Variants in CEP63 observed in about 807,000 individuals in gnomAD.
CEP63 encodes the protein centrosomal protein 63, also known as centrosomal protein of 63 kDa.
Under a neutral mutation model 89.1 loss-of-function variants are expected in CEP63, and 84 were observed. The ratio of observed to expected loss-of-function variants is 0.94; its 90% CI spans 0.79 to 1.13. CEP63 has a LOEUF of 1.13. Ranked by LOEUF, CEP63 falls within the 50% of genes most tolerant of loss-of-function variation. The pLI, the probability that CEP63 is intolerant of heterozygous loss-of-function variation, is 0.00. For synonymous variants in CEP63, 267 were observed against 272.5 expected, an observed-to-expected ratio of 0.98 and a Z score of 0.20; for missense variants, 838 against 813.3, an observed-to-expected ratio of 1.03 and a Z score of -0.37.
the CEP63 span, among the ~76,000 whole-genome samples, chr3:134,780,217 C>T: frequency 6.6e-6 from 1 of 152,174 alleles, no homozygotes. Flanking sequence ...TCTGAAATGT[C>T]TGTTTGAATC....
chr3:134,640,732 T>A, the CEP63 span, among the ~76,000 whole-genome samples: 1 of 152,192 alleles, frequency 6.6e-6, no homozygotes, highest in Non-Finnish European at 1.5e-5. Flanking sequence ...AACCTGCTCT[T>A]CCTGCATCTC....
the CEP63 span, among the ~76,000 whole-genome samples, chr3:134,648,996 C>T: frequency 6.6e-6 from 1 of 152,138 alleles, no homozygotes; most frequent in Non-Finnish European, 1.5e-5. Flanking sequence ...CATTTTCCTC[C>T]CTTAGGCTGT....
the CEP63 span, among the ~76,000 whole-genome samples, chr3:134,706,535 G>C: frequency 6.6e-6 from 1 of 152,046 alleles, no homozygotes; most frequent in African/African-American, 2.4e-5. Flanking sequence ...CTCCTTAAAG[G>C]TTGCTCCTAG....
At chr3:134,761,929 C>T in the CEP63 span, among the ~76,000 whole-genome samples, 19 of 152,316 alleles carry the variant, frequency 1.2e-4, no homozygotes, top group African/African-American at 4.6e-4. Context: ...ACTTCATTTA[C>T]TCTAGCTGCT....
the CEP63 span, among the ~76,000 whole-genome samples, chr3:134,676,500 A>T: frequency 9.9e-5 from 15 of 152,204 alleles, no homozygotes; most frequent in Non-Finnish European, 2.1e-4. Flanking sequence ...CTGAAGTTAG[A>T]CAGTGGTGAT....
chr3:134,556,593 A>T (rs1194846328), intron 12 of CEP63, among the ~76,000 whole-genome samples: 1 of 152,154 alleles, frequency 6.6e-6, no homozygotes, highest in Non-Finnish European at 1.5e-5. Flanking sequence ...ATTCAGCAGT[A>T]CTTGGTTGAG....
the CEP63 span, among the ~76,000 whole-genome samples, chr3:134,624,881 G>A: frequency 6.6e-6 from 1 of 152,204 alleles, no homozygotes; most frequent in African/African-American, 2.4e-5. Context: ...CTGGGCAGGG[G>A]CTGCTGCCTA....
chr3:134,701,640 G>A, the CEP63 span, among the ~76,000 whole-genome samples: 23 of 151,762 alleles, frequency 1.5e-4, no homozygotes, highest in African/African-American at 5.6e-4. Context: ...GGCAAAAGCT[G>A]GAAGCATTCC....
chr3:134,496,926 C>T (rs1260593189), intron 2 of CEP63, among the ~76,000 whole-genome samples: 7 of 152,234 alleles, frequency 4.6e-5, no homozygotes, highest in Non-Finnish European at 8.8e-5. Flanking sequence ...GTCCACATCC[C>T]CCCCAGCATT....
intron 3 of CEP63, among the ~76,000 whole-genome samples, chr3:134,512,969 C>T (rs1446852617): frequency 6.6e-6 from 1 of 152,116 alleles, no homozygotes; most frequent in African/African-American, 2.4e-5. Context: ...ACATACCTAC[C>T]ATTGATTCTT....
the CEP63 span, among the ~76,000 whole-genome samples, chr3:134,775,635 C>T: frequency 6.6e-6 from 1 of 152,062 alleles, no homozygotes; most frequent in African/African-American, 2.4e-5. Flanking sequence ...AAACTTGCAC[C>T]CTAATCTCTG....
At chr3:134,668,755 ATTTCCATTTTTCAC>A in the CEP63 span, among the ~76,000 whole-genome samples, 223 of 152,074 alleles carry the variant, frequency 1.5e-3, 1 homozygote, top group Middle Eastern at 6.8e-3. Context: ...AGATTTCCAC[ATTTCCATTTTTCAC>A]TTTCCATTTT....
At chr3:134,718,101 C>G in the CEP63 span, among the ~76,000 whole-genome samples, 1 of 152,126 alleles carries the variant, frequency 6.6e-6, no homozygotes, top group Non-Finnish European at 1.5e-5. Flanking sequence ...CTGTTAAATC[C>G]AAGTCTGGTA....
the CEP63 span, among the ~76,000 whole-genome samples, chr3:134,653,035 G>A: frequency 6.6e-5 from 10 of 152,328 alleles, no homozygotes; most frequent in African/African-American, 2.4e-4. Flanking sequence ...TCCCAGAACT[G>A]CCTCTGGAGA....
the CEP63 span, among the ~76,000 whole-genome samples, chr3:134,675,070 G>C: frequency 7.9e-5 from 12 of 152,106 alleles, no homozygotes; most frequent in East Asian, 1.9e-4. Flanking sequence ...AAATGTAAGG[G>C]ACCCAGAACA....
chr3:134,550,314 T>C, intron 11 of CEP63, 54 bp downstream of exon 11: 1 of 1,480,046 alleles, frequency 6.8e-7, no homozygotes, highest in Non-Finnish European at 9.3e-7. Context: ...AAAGATGGAG[T>C]TGATTAAAGA....
the CEP63 span, chr3:134,628,169 A>T: frequency 3.5e-6 from 1 of 283,462 alleles, no homozygotes; most frequent in Non-Finnish European, 6.8e-6. Flanking sequence ...TCTTGAATCC[A>T]CTGCCAGATA....
intron 5 of CEP63, chr3:134,536,909 T>G (rs79710428): frequency 0.012 from 5,497 of 470,746 alleles, 211 homozygotes; most frequent in South Asian, 0.07. Context: ...GCTTAACATC[T>G]GCGTGTCATA....
At chr3:134,603,549 C>T in the CEP63 span, 2 of 1,543,268 alleles carry the variant, frequency 1.3e-6, no homozygotes, top group Non-Finnish European at 1.8e-6. Context: ...GGCCTTGGCC[C>T]TTTGGGAGGG....
Sources: allele counts gnomAD v4.1 joint callset (sites outside exome capture counted in the v4.1 genomes callset), GRCh38; gene constraint gnomAD v4.1.1; transcripts MANE v1.5; gene names NCBI Gene and HGNC (gene_info 2026-07-23, HGNC 2026-07-21).